Variants in ROBO2 observed in about 807,000 individuals in gnomAD.
ROBO2 encodes roundabout guidance receptor 2, also known as roundabout homolog 2.
Under a neutral mutation model 160.8 loss-of-function variants are expected in ROBO2, and 53 were observed. That is an observed-to-expected ratio of 0.33 (90% CI 0.26 to 0.41). The LOEUF (loss-of-function observed/expected upper bound fraction) is 0.41. ROBO2 is among the 10% of genes least tolerant of loss of function. The pLI, the probability that ROBO2 is intolerant of heterozygous loss-of-function variation, is 1.00. For synonymous variants in ROBO2, 664 were observed against 611.7 expected (o/e 1.09, Z -1.26); for missense variants, 1,577 against 1,722.4 (o/e 0.92, Z 1.49).
intron 2 of ROBO2, among the ~76,000 whole-genome samples, chr3:76,896,792 T>C (rs1306579676): frequency 2.0e-5 from 3 of 152,306 alleles, no homozygotes; most frequent in African/African-American, 2.4e-5. Context: ...ATTGAGCCCA[T>C]TGATTTTGAT....
chr3:77,594,632 G>A (rs749326945), intron 17 of ROBO2, among the ~76,000 whole-genome samples: 2 of 152,080 alleles, frequency 1.3e-5, no homozygotes, highest in Admixed American at 6.6e-5. Flanking sequence ...CTGTTTATGA[G>A]GGTCATAAAA....
At chr3:77,159,406 G>A (rs368474679) in intron 2 of ROBO2, among the ~76,000 whole-genome samples, 1 of 152,144 alleles carries the variant, frequency 6.6e-6, no homozygotes, top group Admixed American at 6.6e-5. Context: ...GCACTAGGGG[G>A]TGTTTTAGCA....
At chr3:77,461,244 TAATA>T in intron 2 of ROBO2, among the ~76,000 whole-genome samples, 1 of 152,218 alleles carries the variant, frequency 6.6e-6, no homozygotes, top group African/African-American at 2.4e-5. Context: ...AACTAAATGA[TAATA>T]AAACATTCTT....
chr3:77,570,390 C>T (rs1271786693), intron 13 of ROBO2, among the ~76,000 whole-genome samples: 2 of 151,984 alleles, frequency 1.3e-5, no homozygotes, highest in Non-Finnish European at 2.9e-5. Context: ...CTAGTTTGCA[C>T]ATCTATCCCC....
chr3:76,522,377 G>A (rs1040061312), intron 2 of ROBO2, among the ~76,000 whole-genome samples: 1 of 145,192 alleles, frequency 6.9e-6, no homozygotes, highest in Non-Finnish European at 1.5e-5. Context: ...GTGCCCATGT[G>A]TCTGTCTGTC....
chr3:76,202,997 T>A (rs1379041859), intron 2 of ROBO2, among the ~76,000 whole-genome samples: 1 of 151,246 alleles, frequency 6.6e-6, no homozygotes, highest in African/African-American at 2.5e-5. Context: ...GATCACACTC[T>A]TCCCTCCTAA....
At chr3:77,277,149 C>CTTCCTTCCTTCCTTCT (rs1553882798) in intron 2 of ROBO2, among the ~76,000 whole-genome samples, 2 of 99,948 alleles carry the variant, frequency 2.0e-5, no homozygotes, top group Non-Finnish European at 2.1e-5. Flanking sequence ...TCCTTCTTTC[C>CTTCCTTCCTTCCTTCT]TTCTTTCCTT....
At chr3:76,359,715 T>A (rs2075391806) in intron 2 of ROBO2, among the ~76,000 whole-genome samples, 1 of 152,102 alleles carries the variant, frequency 6.6e-6, no homozygotes, top group African/African-American at 2.4e-5. Context: ...ATATATTATA[T>A]GTCATTTGAT....
intron 2 of ROBO2, among the ~76,000 whole-genome samples, chr3:76,387,588 A>ATTATGAATT (rs1167723069): frequency 6.6e-6 from 1 of 152,176 alleles, no homozygotes; most frequent in Non-Finnish European, 1.5e-5. Flanking sequence ...CTAATTAATT[A>ATTATGAATT]TTATGAATTT....
chr3:77,183,611 A>C lies in ROBO2; in HGVS notation c.388+85271A>C, dbSNP rs868054159. Among the ~76,000 whole-genome samples, 4 of 152,182 alleles carry C rather than the reference A, an allele frequency of 2.6e-5. No homozygotes were observed. The South Asian group carries it at 8.3e-4, about 31-fold the overall frequency. On this transcript the variant is annotated intron_variant, in intron 2 of 25. Transcript: ENST00000461745. Reference sequence around the variant, plus strand: ...CCTTGATCTTGAACTTCTAGGATCCAGAATTGTGAAACAATATATTTCTTT... The same window carrying C: ...CCTTGATCTTGAACTTCTAGGATCCCGAATTGTGAAACAATATATTTCTTT...
At chr3:76,382,369 A>C (rs1351478304) in intron 2 of ROBO2, among the ~76,000 whole-genome samples, 1 of 152,160 alleles carries the variant, frequency 6.6e-6, no homozygotes, top group Non-Finnish European at 1.5e-5. Context: ...CAGGCGGATC[A>C]CAAGGTCAGG....
intron 21 of ROBO2, among the ~76,000 whole-genome samples, chr3:77,616,413 G>C (rs890675281): frequency 6.6e-6 from 1 of 151,876 alleles, no homozygotes; most frequent in Non-Finnish European, 1.5e-5. Flanking sequence ...AATAATTTTA[G>C]GCTTAAGCGT....
At chr3:76,035,843 C>T (rs772852874) in intron 2 of ROBO2, among the ~76,000 whole-genome samples, 1 of 151,978 alleles carries the variant, frequency 6.6e-6, no homozygotes, top group Non-Finnish European at 1.5e-5. Flanking sequence ...TTTCCAAGGG[C>T]CACGGTGTTG....
chr3:77,218,977 T>C (rs968357753), intron 2 of ROBO2, among the ~76,000 whole-genome samples: 1 of 152,186 alleles, frequency 6.6e-6, no homozygotes, highest in Non-Finnish European at 1.5e-5. Flanking sequence ...TGTTTGTTGT[T>C]TGTTTGTTGA....
chr3:77,418,008 T>C (rs2077399223), intron 2 of ROBO2, among the ~76,000 whole-genome samples: 1 of 152,124 alleles, frequency 6.6e-6, no homozygotes, highest in South Asian at 2.1e-4. Context: ...TGACAGCAGA[T>C]AAAAGGAGGA....
At chr3:76,905,569 C>T (rs1301463708) in intron 2 of ROBO2, among the ~76,000 whole-genome samples, 1 of 152,152 alleles carries the variant, frequency 6.6e-6, no homozygotes, top group East Asian at 1.9e-4. Flanking sequence ...CCCACATTTT[C>T]AGACCTCTCC....
At chr3:76,772,483 C>A (rs896754801) in intron 2 of ROBO2, among the ~76,000 whole-genome samples, 15 of 146,476 alleles carry the variant, frequency 1.0e-4, no homozygotes, top group Admixed American at 6.8e-5. Flanking sequence ...TTGCTCTTCT[C>A]TCCCCACCCC....
At chr3:77,361,031 C>G (rs1020440629) in intron 2 of ROBO2, among the ~76,000 whole-genome samples, 20 of 152,070 alleles carry the variant, frequency 1.3e-4, no homozygotes, top group African/African-American at 4.8e-4. Flanking sequence ...TTCCAGATCT[C>G]TTCATTTCTA....
intron 2 of ROBO2, among the ~76,000 whole-genome samples, chr3:76,702,479 A>G (rs1380845500): frequency 6.6e-6 from 1 of 151,998 alleles, no homozygotes; most frequent in African/African-American, 2.4e-5. Context: ...AAAACCACAC[A>G]CACACATTCA....
Sources: gnomAD v4.1 joint callset for allele counts (sites outside exome capture counted in the v4.1 genomes callset) on GRCh38, gnomAD v4.1.1 for gene constraint, MANE v1.5 for transcripts, NCBI Gene and HGNC (gene_info 2026-07-23, HGNC 2026-07-21) for gene names.